Variants in USB1 observed in about 807,000 individuals in gnomAD.
USB1 encodes the protein U6 snRNA phosphodiesterase 1.
Under a neutral mutation model 29.9 loss-of-function variants are expected in USB1, and 21 were observed. That is an observed-to-expected ratio of 0.70 (90% confidence interval 0.50 to 1.01). The LOEUF (loss-of-function observed/expected upper bound fraction) is 1.01. Ranked by LOEUF, USB1 falls within the 50% of genes least tolerant of loss-of-function variation. The probability of loss-of-function intolerance (pLI) is 0.00; values close to 1 mark genes in which losing one functional copy is unlikely to be tolerated. For synonymous variants in USB1, 143 were observed against 134.9 expected, an observed-to-expected ratio of 1.06 and a Z score of -0.42; for missense variants, 330 against 347.1, an observed-to-expected ratio of 0.95 and a Z score of 0.39.
chr16:58,012,999 T>C, intron 3 of USB1: 1 of 985,804 alleles, frequency 1.0e-6, no homozygotes, highest in Non-Finnish European at 1.2e-6. Context: ...ACCCCTGGGC[T>C]GGTTCCCTCT....
chr16:58,011,039 C>T (rs1963482540), intron 3 of USB1: 1 of 730,694 alleles, frequency 1.4e-6, no homozygotes, highest in Non-Finnish European at 2.4e-6. Context: ...GACCTCATTG[C>T]CTCATTGGAA....
At chr16:58,008,498 G>A (rs1199298556) in intron 2 of USB1, among the ~76,000 whole-genome samples, 1 of 146,678 alleles carries the variant, frequency 6.8e-6, no homozygotes, top group Non-Finnish European at 1.5e-5. Flanking sequence ...CCGTCACCCA[G>A]GCTGGAGTAC....
At position 58,017,318 on chromosome 16, in the gene USB1, GTCT is replaced by G. The variant is rs1237975960; in HGVS notation, c.504-13_504-11del. 6.2e-7 allele frequency: 1 copy of G among 1,611,904 alleles called. No homozygotes were observed. The highest frequency in any genetic ancestry group is 1.1e-5 in the South Asian group (1 of 91,032). On this transcript the variant is annotated splice_polypyrimidine_tract_variant and intron_variant, in intron 4 of 6. Coordinates refer to ENST00000219281, the MANE Select transcript of USB1 (RefSeq NM_024598.4). ...AGAGGCTACATCTCATGCCTGCGTTGTCTTCCTCTCCCCAGGACCTTTATTGGG... is the reference window on the plus strand; with the variant it reads ...AGAGGCTACATCTCATGCCTGCGTTGTCCTCTCCCCAGGACCTTTATTGGG...
Position 58,013,104 on chromosome 16 carries a change from G to C in USB1, c.450-1169G>C. 1.0e-6 allele frequency: 1 copy of C among 985,516 alleles called. No individual in the cohort carries two copies. The highest frequency in any genetic ancestry group is 1.2e-6 in the Non-Finnish European group (1 of 830,032). 61.0% of individuals were successfully genotyped at this position (985,516 alleles called of 1,614,324 possible). A position where few individuals can be genotyped will look rare whatever the true frequency, so the allele number is the denominator to read the frequency against. ...AGCCTAAGGTGACCAAGAGTGGGCG[G>C]TGCACCCCTGATTCTGTTGCTGTGA... On this transcript the variant is annotated intron_variant, in intron 3 of 6. Coordinates refer to ENST00000219281, the MANE Select transcript of USB1 (RefSeq NM_024598.4). The surrounding 1 kb of genome is among the most constrained non-coding windows in gnomAD (Gnocchi z 4.3).
intron 2 of USB1, among the ~76,000 whole-genome samples, chr16:58,008,515 G>A (rs550879850): frequency 8.9e-5 from 13 of 146,820 alleles, no homozygotes; most frequent in East Asian, 4.0e-4. Flanking sequence ...GTACAGTGGC[G>A]CAATCTCAGC....
In USB1 at chr16:58,013,691, G is replaced by A; in HGVS notation, c.450-582G>A. The A allele has an allele frequency of 1.1e-6, 1 of 907,326 alleles. No homozygotes were observed. The highest frequency in any genetic ancestry group is 1.3e-6 in the Non-Finnish European group (1 of 757,124). The allele number at this position is 907,326 out of a possible 1,614,324, so 56.2% of individuals were successfully genotyped here. A position where few individuals can be genotyped will look rare whatever the true frequency, so the allele number is the denominator to read the frequency against. ...GTCATAGGTGACAACAAGGACTCTG[G>A]AAACAGGCAGACTGACTGTTCCAAT... On this transcript the variant is annotated intron_variant, in intron 3 of 6. Transcript: ENST00000219281. The surrounding 1 kb of genome is among the most constrained non-coding windows in gnomAD (Gnocchi z 4.3).
rs1963633517 is a variant in USB1, at chr16:58,017,102, C to G, written c.504-232C>G. ...GGCGTTCCTGGAAGGGTTATTAGAT[C>G]CAGAGAAGGGAGGAGAGCTGTGTGG... is the stretch of plus-strand genomic sequence containing the variant. On this transcript the variant is annotated intron_variant, in intron 4 of 6. Transcript: ENST00000219281. The G allele has an allele frequency of 1.3e-5, 7 of 548,930 alleles. No individual in the cohort carries two copies. In the East Asian group the frequency reaches 1.9e-4, roughly 15 times the overall value. The allele number at this position is 548,930 out of a possible 1,614,324, so 34.0% of individuals were successfully genotyped here.
chr16:58,011,800 T>C, intron 3 of USB1: 2 of 988,276 alleles, frequency 2.0e-6, no homozygotes, highest in Non-Finnish European at 2.4e-6. Flanking sequence ...CTGTGGCTTC[T>C]CTCTGAATTG....
chr16:58,012,228 A>T, intron 3 of USB1: 1 of 1,525,188 alleles, frequency 6.6e-7, no homozygotes, highest in South Asian at 1.2e-5. Context: ...AAGGGCTGAA[A>T]CTCATCTCTC....
intron 3 of USB1, 199 bp downstream of exon 3, chr16:58,010,311 G>A (rs951050893): frequency 1.4e-5 from 9 of 628,644 alleles, no homozygotes; most frequent in African/African-American, 3.7e-5. Context: ...CCCTGATGCC[G>A]TATCTGCTCT....
chr16:58,019,056 G>A lies in USB1; in HGVS notation c.693+1G>A. On this transcript the variant is annotated splice_donor_variant, in intron 6 of 6. Coordinates refer to ENST00000219281, the MANE Select transcript of USB1 (RefSeq NM_024598.4). LOFTEE classifies it high-confidence loss of function. Reference sequence around the variant, plus strand: ...GGGGCAGTGCCTGCAGGAACTACAGGTGAATTTCCAGGGCGGGAGCACAGA... The same window carrying A: ...GGGGCAGTGCCTGCAGGAACTACAGATGAATTTCCAGGGCGGGAGCACAGA... The A allele has an allele frequency of 6.2e-7, 1 of 1,614,132 alleles. No homozygotes were observed. The highest frequency in any genetic ancestry group is 1.1e-5 in the South Asian group (1 of 91,060).
At chr16:58,016,428 C>G (rs1963617158) in intron 4 of USB1, 1 of 152,538 alleles carries the variant, frequency 6.6e-6, no homozygotes. Context: ...ACTGGGTGTT[C>G]AGGAGAGGGA....
At position 58,002,587 on chromosome 16, in the gene USB1, A is replaced by G. The variant is rs1963249102; in HGVS notation, c.207A>G (p.Gly69=). The change falls in exon 2 of 7, where the codon GGA becomes GGG. Residue 69 remains glycine, a synonymous_variant. Transcript: ENST00000219281. ...AAGATGACAGCACAAAACACGGGGG[A>G]CGGGTGCGCACCTTCCCCCACGAGC... ...GPEDDSTKHG[G]RVRTFPHERG... The G allele has an allele frequency of 6.2e-7, 1 of 1,613,800 alleles. No homozygotes were observed. The highest frequency in any genetic ancestry group is 1.3e-5 in the African/African-American group (1 of 74,876).
chr16:58,015,695 C>G (rs1963599172), intron 4 of USB1: 1 of 152,000 alleles, frequency 6.6e-6, no homozygotes, highest in Admixed American at 6.6e-5. Context: ...AGGAGGGTAC[C>G]AGGGAAGTGG....
Position 58,020,546 on chromosome 16 carries a change from T to C in USB1, c.*301T>C, listed in dbSNP as rs1221148529. ...CTTCCTCTTCTCTCTCTTCCCCTCCTGTCTCTCCTCCCCTCCTCTCTTCCT... is the reference window on the plus strand; with the variant it reads ...CTTCCTCTTCTCTCTCTTCCCCTCCCGTCTCTCCTCCCCTCCTCTCTTCCT... On this transcript the variant is annotated 3_prime_UTR_variant, in exon 7 of 7. Coordinates refer to ENST00000219281, the MANE Select transcript of USB1 (RefSeq NM_024598.4). The C allele has an allele frequency of 2.1e-5, 7 of 328,764 alleles. No individual in the cohort carries two copies. In the East Asian group the frequency reaches 2.8e-4, roughly 13 times the overall value. 20.4% of individuals were successfully genotyped at this position (328,764 alleles called of 1,614,324 possible).
At position 58,020,181 on chromosome 16, in the gene USB1, G is replaced by A. The variant is rs140289507; in HGVS notation, c.734G>A (p.Arg245His). The A allele has an allele frequency of 4.6e-5, 75 of 1,614,014 alleles. No individual in the cohort carries two copies. In the African/African-American group the frequency reaches 6.1e-4, roughly 13 times the overall value. ...TTTGAAGATGCTGAGGTGCTGCTGC[G>A]CGTGCACACTGAGCAAGTCCGCTGC... ...DGFEDAEVLLRVHTEQVRCKS... is the reference protein window; with the variant it reads ...DGFEDAEVLLHVHTEQVRCKS... The change falls in exon 7 of 7, where the codon CGC becomes CAC. Residue 245 changes from arginine to histidine, a missense_variant. Physicochemically the swap from Arg to His is conservative, Grantham distance 29 (BLOSUM62 0). Coordinates refer to ENST00000219281, the MANE Select transcript of USB1 (RefSeq NM_024598.4).
At position 58,012,191 on chromosome 16, in the gene USB1, C is replaced by T. The variant is rs966089444; in HGVS notation, c.449+2079C>T. 5 of 1,481,820 alleles carry T rather than the reference C, an allele frequency of 3.4e-6. No homozygotes were observed. The African/African-American group carries it at 7.0e-5, about 21-fold the overall frequency. The allele number at this position is 1,481,820 out of a possible 1,614,324, so 91.8% of individuals were successfully genotyped here. On this transcript the variant is annotated intron_variant, in intron 3 of 6. Transcript: ENST00000219281. ...AGGGCCAGAGGAGGACAGGATTTGT[C>T]CCAATCCAGACACTCGGCCAGGGAA...
chr16:58,001,897 A>G (rs1225284451), intron 1 of USB1, among the ~76,000 whole-genome samples: 1 of 152,190 alleles, frequency 6.6e-6, no homozygotes, highest in Non-Finnish European at 1.5e-5. Context: ...TTTGAATACA[A>G]TTGCGATAGT....
At chr16:58,016,716 G>A (rs1963624597) in intron 4 of USB1, 1 of 172,766 alleles carries the variant, frequency 5.8e-6, no homozygotes, top group Admixed American at 5.4e-5. Context: ...GTACGAGGCG[G>A]ACAGCGAAGT....
Sources: gnomAD v4.1 joint callset for allele counts (sites outside exome capture counted in the v4.1 genomes callset) on GRCh38, gnomAD v4.1.1 for gene constraint, Gnocchi (gnomAD v3.1) non-coding constraint, MANE v1.5 for transcripts, NCBI Gene and HGNC (gene_info 2026-07-23, HGNC 2026-07-21) for gene names.